The following MATN2 variants were observed in gnomAD, a reference collection of about 807,000 sequenced individuals.
MATN2 encodes matrilin-2.
MATN2 carries 69 observed loss-of-function variants against 103.2 expected under a neutral mutation model. That is an observed-to-expected ratio of 0.67 (90% CI 0.55 to 0.82). The LOEUF (loss-of-function observed/expected upper bound fraction) is 0.82. MATN2 is among the 40% of genes least tolerant of loss of function. The probability of loss-of-function intolerance (pLI) is 0.00; values close to 1 mark genes in which losing one functional copy is unlikely to be tolerated. For synonymous variants in MATN2, 429 were observed against 450.2 expected (o/e 0.95, Z 0.60); for missense variants, 1,023 against 1,211.5 (o/e 0.84, Z 2.31).
At chr8:97,892,020 T>C (rs940622818) in intron 2 of MATN2, among the ~76,000 whole-genome samples, 3 of 151,980 alleles carry the variant, frequency 2.0e-5, no homozygotes, top group Non-Finnish European at 2.9e-5. Flanking sequence ...GCAGATCACT[T>C]GAGGTCAGGA....
chr8:97,872,468 G>C (rs1282592089), intron 1 of MATN2, among the ~76,000 whole-genome samples: 1 of 152,182 alleles, frequency 6.6e-6, no homozygotes, highest in Non-Finnish European at 1.5e-5. Context: ...AAACATAGTG[G>C]CTTAAAACAA....
At chr8:97,904,260 T>G (rs1478688842) in intron 2 of MATN2, among the ~76,000 whole-genome samples, 2 of 152,246 alleles carry the variant, frequency 1.3e-5, no homozygotes, top group African/African-American at 4.8e-5. Context: ...TGTTTGAAAC[T>G]AATTTAATTT....
At position 97,875,336 on chromosome 8, in the gene MATN2, C is replaced by T. The variant is rs180741482; in HGVS notation, c.-27+6049C>T. 1.7e-3 allele frequency among the ~76,000 whole-genome samples: 260 copies of T among 152,314 alleles called. 1 individual carries two copies. The highest frequency in any genetic ancestry group is 0.01 in the Middle Eastern group (3 of 294). On this transcript the variant is annotated intron_variant, in intron 1 of 18. Transcript: ENST00000254898. ...ACTCTTCAAAATTTCTCCCGCAGCT[C>T]TCAGGTCTCTCAGTCCCTCTGTTGG...
intron 4 of MATN2, among the ~76,000 whole-genome samples, chr8:97,946,171 T>C (rs1249478983): frequency 2.0e-5 from 3 of 152,222 alleles, no homozygotes; most frequent in African/African-American, 7.2e-5. Flanking sequence ...GACCTAGTTT[T>C]GGGTCTCTTC....
intron 4 of MATN2, among the ~76,000 whole-genome samples, chr8:97,944,425 GCT>G (rs890539735): frequency 6.6e-5 from 10 of 152,194 alleles, no homozygotes; most frequent in Admixed American, 2.6e-4. Context: ...ATAAAGAACA[GCT>G]CTCTCTCTTT....
chr8:97,966,346 A>G, intron 5 of MATN2, among the ~76,000 whole-genome samples: 1 of 152,036 alleles, frequency 6.6e-6, no homozygotes, highest in East Asian at 1.9e-4. Flanking sequence ...GCTTGAGACC[A>G]GGAGTTCTAG....
intron 5 of MATN2, 146 bp from the exon 6 acceptor site, chr8:97,978,740 C>A (rs558379719): frequency 4.1e-6 from 3 of 737,044 alleles, no homozygotes; most frequent in East Asian, 5.4e-5. Flanking sequence ...GGGGCAGAGA[C>A]CTTGGGTTCA....
Position 97,948,681 on chromosome 8 carries a change from C to G in MATN2, c.835+6782C>G, listed in dbSNP as rs559780362. 2.6e-5 allele frequency among the ~76,000 whole-genome samples: 4 copies of G among 152,294 alleles called. No homozygotes were observed. In the South Asian group the frequency reaches 8.3e-4, roughly 32 times the overall value. On this transcript the variant is annotated intron_variant, in intron 4 of 18. Transcript: ENST00000254898. ...GCAAACAAACAAAAGGAACATAGAT[C>G]TTGTCTTTACCTCATAACATGTATA...
At chr8:97,893,975 A>G (rs1818720895) in intron 2 of MATN2, among the ~76,000 whole-genome samples, 1 of 152,178 alleles carries the variant, frequency 6.6e-6, no homozygotes, top group Non-Finnish European at 1.5e-5. Context: ...AAACTGGCTC[A>G]TTTTATTTCT....
intron 4 of MATN2, among the ~76,000 whole-genome samples, chr8:97,945,717 A>AAAAAATATATATATATATAT (rs59472539): frequency 8.2e-6 from 1 of 121,832 alleles, no homozygotes; most frequent in African/African-American, 3.1e-5. Flanking sequence ...AAAAAAAAAA[A>AAAAAATATATATATATATAT]ATATATATAT....
At chr8:97,883,606 G>A (rs1287208922) in intron 1 of MATN2, among the ~76,000 whole-genome samples, 9 of 149,146 alleles carry the variant, frequency 6.0e-5, no homozygotes, top group African/African-American at 2.0e-4. Context: ...AGACTGGAGT[G>A]CAGTGGCATG....
At chr8:97,892,515 C>T (rs1368629516) in intron 2 of MATN2, among the ~76,000 whole-genome samples, 2 of 149,916 alleles carry the variant, frequency 1.3e-5, no homozygotes, top group East Asian at 3.9e-4. Flanking sequence ...ATTGTCATTT[C>T]TTGACCATTC....
At position 98,035,638 on chromosome 8, in the gene MATN2, T is replaced by G. The variant is rs778911970; in HGVS notation, c.2816-19T>G. ...AATAAAAATAGACAATTCTTCATCT[T>G]CCTTAATTTGAGATTTACTAGAAGA... On this transcript the variant is annotated intron_variant, in intron 18 of 18. Transcript: ENST00000254898. 6.7e-7 allele frequency: 1 copy of G among 1,483,832 alleles called. No individual in the cohort carries two copies. The highest frequency in any genetic ancestry group is 1.2e-5 in the South Asian group (1 of 82,192). The allele number at this position is 1,483,832 out of a possible 1,614,324, so 91.9% of individuals were successfully genotyped here. A position where few individuals can be genotyped will look rare whatever the true frequency, so the allele number is the denominator to read the frequency against.
chr8:97,901,539 C>T (rs1818983302), intron 2 of MATN2, among the ~76,000 whole-genome samples: 1 of 152,214 alleles, frequency 6.6e-6, no homozygotes, highest in Non-Finnish European at 1.5e-5. Context: ...AGGCGTGAGC[C>T]ACTGCACCCG....
rs142707021 is a variant in MATN2 at position 97,971,008 on chromosome 8, T to C, written c.959-7878T>C. On this transcript the variant is annotated intron_variant, in intron 5 of 18. Coordinates refer to ENST00000254898, the MANE Select transcript of MATN2 (RefSeq NM_002380.5). ...ATAGCAGGGAATAAATGTAAACATA[T>C]GGGGGAAAACAGGAATTAGGGAGGA... Among the ~76,000 whole-genome samples, 79 of 152,046 alleles carry C rather than the reference T, an allele frequency of 5.2e-4. 1 individual carries two copies. The highest frequency in any genetic ancestry group is 1.8e-3 in the African/African-American group (73 of 41,462).
intron 4 of MATN2, among the ~76,000 whole-genome samples, chr8:97,957,536 G>A (rs1229925809): frequency 6.6e-6 from 1 of 152,184 alleles, no homozygotes; most frequent in East Asian, 1.9e-4. Flanking sequence ...AGGACAATCC[G>A]CATGAAGCCA....
rs1312117213 is a variant in MATN2, at chr8:98,007,196, C to A, written c.1419C>A (p.Phe473Leu). 6.2e-7 allele frequency: 1 copy of A among 1,613,802 alleles called. No individual in the cohort carries two copies. The highest frequency in any genetic ancestry group is 1.3e-5 in the African/African-American group (1 of 74,912). Residue 473 changes from phenylalanine to leucine, a missense_variant, in exon 9 of 19, where the codon TTC becomes TTA. Physicochemically the swap from Phe to Leu is conservative, Grantham distance 22 (BLOSUM62 0). Transcript: ENST00000254898. The surrounding 1 kb of genome is among the most constrained non-coding windows in gnomAD (Gnocchi z 4.2). ...DSFVCQCSEG[F>L]LINEDLKTCS... ...TCGTCTGCCAGTGCTCAGAAGGCTT[C>A]CTCATCAACGAGGACCTCAAGACCT...
At position 97,898,497 on chromosome 8, in the gene MATN2, C is replaced by T. The variant is rs373035269; in HGVS notation, c.142+10255C>T. On this transcript the variant is annotated intron_variant, in intron 2 of 18. Transcript: ENST00000254898. ...CTGTAATCCCAGCTACTCGGGAGGC[C>T]GAGGCAGGAAAATTACTTGAACCTC... Among the ~76,000 whole-genome samples the T allele has an allele frequency of 4.2e-4, 63 of 150,916 alleles. 1 individual carries two copies. The highest frequency in any genetic ancestry group is 1.4e-3 in the African/African-American group (59 of 41,060).
intron 2 of MATN2, among the ~76,000 whole-genome samples, chr8:97,924,868 TA>T (rs1398107877): frequency 6.6e-6 from 1 of 152,120 alleles, no homozygotes; most frequent in African/African-American, 2.4e-5. Flanking sequence ...ATGGCAGATC[TA>T]AAAGGACAAA....
Sources: allele counts gnomAD v4.1 joint callset (sites outside exome capture counted in the v4.1 genomes callset), GRCh38; gene constraint gnomAD v4.1.1; non-coding constraint Gnocchi (gnomAD v3.1); transcripts MANE v1.5; gene names NCBI Gene and HGNC (gene_info 2026-07-23, HGNC 2026-07-21).